GPR158: variants seen among roughly 807,000 people sequenced by gnomAD.
GPR158 encodes G protein-coupled receptor 158, also known as metabotropic glycine receptor.
A neutral mutation model predicts 78.2 loss-of-function variants in GPR158; 30 were observed. The observed-to-expected ratio is 0.38, with a 90% confidence interval of 0.29 to 0.52. GPR158 has a LOEUF of 0.52. Among genes scored for constraint, GPR158 ranks in the 20% least tolerant of loss-of-function variants. The pLI is 0.83. For synonymous variants in GPR158, 581 were observed against 591.1 expected (o/e 0.98, Z 0.25); for missense variants, 1,463 against 1,523.5 (o/e 0.96, Z 0.66).
chr10:25,553,232 C>G (rs1404258528), intron 6 of GPR158, among the ~76,000 whole-genome samples: 1 of 152,144 alleles, frequency 6.6e-6, no homozygotes, highest in African/African-American at 2.4e-5. Flanking sequence ...AATCTTGACA[C>G]TAGTATGCAA....
intron 2 of GPR158, among the ~76,000 whole-genome samples, chr10:25,314,781 A>G (rs1854821309): frequency 6.7e-6 from 1 of 148,310 alleles, no homozygotes; most frequent in Non-Finnish European, 1.5e-5. Context: ...ATATATAAAT[A>G]TATATGCACA....
At chr10:25,447,985 C>T (rs576994136) in intron 4 of GPR158, among the ~76,000 whole-genome samples, 8 of 152,324 alleles carry the variant, frequency 5.3e-5, no homozygotes, top group South Asian at 4.1e-4. Context: ...CAGAGATAAC[C>T]GCTGTTCAGA....
At chr10:25,420,147 A>G (rs72780192) in intron 4 of GPR158, among the ~76,000 whole-genome samples, 22,068 of 151,894 alleles carry the variant, frequency 0.15, 1,787 homozygotes, top group African/African-American at 0.2. Flanking sequence ...TGAAGCCCCA[A>G]AGTTATTTAT....
At chr10:25,594,044 C>T (rs1837372023) in intron 8 of GPR158, among the ~76,000 whole-genome samples, 1 of 151,982 alleles carries the variant, frequency 6.6e-6, no homozygotes, top group Non-Finnish European at 1.5e-5. Context: ...AAATAATAAT[C>T]TTGGGAATTA....
intron 6 of GPR158, 112 bp from the exon 7 acceptor site, chr10:25,572,537 T>C: frequency 1.0e-5 from 8 of 769,824 alleles, no homozygotes; most frequent in Non-Finnish European, 1.6e-5. Flanking sequence ...AAGCAAACTC[T>C]GATTAGCTGG....
At chr10:25,596,053 G>T (rs1222890326) in intron 9 of GPR158, among the ~76,000 whole-genome samples, 2 of 152,018 alleles carry the variant, frequency 1.3e-5, no homozygotes, top group African/African-American at 2.4e-5. Flanking sequence ...AATAAATAAG[G>T]TAAGTATTTT....
At chr10:25,403,869 G>A (rs1834477243) in intron 3 of GPR158, among the ~76,000 whole-genome samples, 1 of 151,978 alleles carries the variant, frequency 6.6e-6, no homozygotes, top group Non-Finnish European at 1.5e-5. Flanking sequence ...TTTTGAGAGA[G>A]CACTTTCATC....
intron 5 of GPR158, among the ~76,000 whole-genome samples, chr10:25,533,394 A>G (rs1218684752): frequency 1.3e-5 from 2 of 152,138 alleles, no homozygotes; most frequent in Non-Finnish European, 2.9e-5. Flanking sequence ...CTGGACTTAT[A>G]TATATTTTAA....
chr10:25,217,344 G>T (rs556678029), intron 1 of GPR158, among the ~76,000 whole-genome samples: 1 of 152,210 alleles, frequency 6.6e-6, no homozygotes, highest in Non-Finnish European at 1.5e-5. Context: ...GGTCATTCTG[G>T]TATAGAAATG....
intron 2 of GPR158, among the ~76,000 whole-genome samples, chr10:25,336,119 A>G (rs1588806541): frequency 6.6e-6 from 1 of 152,104 alleles, no homozygotes; most frequent in Non-Finnish European, 1.5e-5. Context: ...ATGGAGCTGT[A>G]TGTGTATTTA....
At chr10:25,470,655 T>C (rs1238494285) in intron 5 of GPR158, among the ~76,000 whole-genome samples, 2 of 152,210 alleles carry the variant, frequency 1.3e-5, no homozygotes, top group African/African-American at 2.4e-5. Flanking sequence ...TGCAGCAGTA[T>C]AAAGACTGAG....
At chr10:25,528,633 A>T (rs1369862332) in intron 5 of GPR158, among the ~76,000 whole-genome samples, 2 of 152,208 alleles carry the variant, frequency 1.3e-5, no homozygotes, top group African/African-American at 4.8e-5. Context: ...AAGAGAATAT[A>T]AAGGAAACCT....
chr10:25,453,960 G>C (rs1835257496), intron 4 of GPR158, among the ~76,000 whole-genome samples: 1 of 152,040 alleles, frequency 6.6e-6, no homozygotes, highest in South Asian at 2.1e-4. Context: ...TTCTATTTCT[G>C]TGAACAATGT....
At chr10:25,378,337 T>C (rs995354387) in intron 2 of GPR158, among the ~76,000 whole-genome samples, 1 of 152,110 alleles carries the variant, frequency 6.6e-6, no homozygotes, top group African/African-American at 2.4e-5. Flanking sequence ...ATAAACTGAA[T>C]GGCTTAAAAT....
At chr10:25,522,206 CT>C (rs1180460240) in intron 5 of GPR158, among the ~76,000 whole-genome samples, 1 of 152,222 alleles carries the variant, frequency 6.6e-6, no homozygotes, top group Non-Finnish European at 1.5e-5. Flanking sequence ...GCACTTCTCA[CT>C]TCTGTCATTT....
chr10:25,360,013 C>G (rs944840442), intron 2 of GPR158, among the ~76,000 whole-genome samples: 1 of 152,096 alleles, frequency 6.6e-6, no homozygotes, highest in African/African-American at 2.4e-5. Flanking sequence ...TAATGACCAG[C>G]AATGAGGAGA....
At chr10:25,540,974 ATAT>A (rs1564484284) in intron 5 of GPR158, among the ~76,000 whole-genome samples, 8,698 of 76,778 alleles carry the variant, frequency 0.11, 564 homozygotes, top group African/African-American at 0.26. Context: ...ATATATATAT[ATAT>A]AAAGTTTATC....
At chr10:25,462,965 G>T (rs1362427206) in intron 4 of GPR158, among the ~76,000 whole-genome samples, 4 of 152,162 alleles carry the variant, frequency 2.6e-5, no homozygotes, top group Admixed American at 6.5e-5. Context: ...TTCAACTGTA[G>T]GTAACATGCT....
At chr10:25,298,835 A>G (rs190440470) in intron 2 of GPR158, among the ~76,000 whole-genome samples, 86 of 152,306 alleles carry the variant, frequency 5.6e-4, no homozygotes, top group Admixed American at 9.2e-4. Flanking sequence ...CTCTTCTACT[A>G]GAGCCCTCAA....
Sources: gnomAD v4.1 joint callset for allele counts (sites outside exome capture counted in the v4.1 genomes callset) on GRCh38, gnomAD v4.1.1 for gene constraint, MANE v1.5 for transcripts, NCBI Gene and HGNC (gene_info 2026-07-23, HGNC 2026-07-21) for gene names.